RELCH: variants seen among roughly 807,000 people sequenced by gnomAD.
RELCH encodes the protein RAB11-binding protein RELCH.
A neutral mutation model predicts 150.3 loss-of-function variants in RELCH; 41 were observed. The observed-to-expected ratio is 0.27, with a 90% CI of 0.21 to 0.35. The LOEUF is 0.35. RELCH is among the 10% of genes least tolerant of loss of function. The pLI is 1.00. For synonymous variants in RELCH, 478 were observed against 531.8 expected, an observed-to-expected ratio of 0.90 and a Z score of 1.39; for missense variants, 1,092 against 1,467.8, an observed-to-expected ratio of 0.74 and a Z score of 4.18.
chr18:62,195,674 G>C (rs1455120702), intron 1 of RELCH, among the ~76,000 whole-genome samples: 3 of 151,740 alleles, frequency 2.0e-5, no homozygotes, highest in Admixed American at 2.0e-4. Context: ...CTATGAGCTT[G>C]CAGCCTTCCA....
Position 62,305,632 on chromosome 18 carries a change from T to A in RELCH, c.*98T>A. On this transcript the variant is annotated 3_prime_UTR_variant, in exon 29 of 29. Transcript: ENST00000644646. This position sits in a 1 kb window ranked among gnomAD's most constrained non-coding sequence, Gnocchi z 4.0. ...TGCCTTTTTTGTTTCCTCAGTTTTA[T>A]GTTCTTGCATTATAATTTTATCCTA... The A allele has an allele frequency of 8.0e-7, 1 of 1,254,726 alleles. No homozygotes were observed. The highest frequency in any genetic ancestry group is 1.1e-6 in the Non-Finnish European group (1 of 912,444). 77.7% of individuals were successfully genotyped at this position (1,254,726 alleles called of 1,614,324 possible).
At chr18:62,289,206 A>G (rs1423258514) in intron 26 of RELCH, among the ~76,000 whole-genome samples, 1 of 152,204 alleles carries the variant, frequency 6.6e-6, no homozygotes, top group Non-Finnish European at 1.5e-5. Context: ...GGTAAGGGGA[A>G]GAACCATCTT....
chr18:62,230,543 A>G (rs1316941629), intron 8 of RELCH, among the ~76,000 whole-genome samples: 1 of 152,106 alleles, frequency 6.6e-6, no homozygotes, highest in Non-Finnish European at 1.5e-5. Context: ...TCATAGTCAT[A>G]ATTTTATGAA....
Position 62,227,682 on chromosome 18 carries a change from C to T in RELCH, c.1147C>T (p.Leu383Phe), listed in dbSNP as rs1488548099. Reference protein sequence around the residue: ...KWSLMEQIRRLKSEMDFLKNE... With the variant: ...KWSLMEQIRRFKSEMDFLKNE... ...GTCATTGATGGAGCAAATCAGAAGA[C>T]TTAAAAGGTTAGTACTTGATCATTA... is the stretch of plus-strand genomic sequence containing the variant. Residue 383 changes from leucine (L) to phenylalanine (F), a missense_variant, in exon 7 of 29, where the codon CTT (leucine) becomes TTT (phenylalanine). This residue lies in a region of RELCH where 707 missense variants were observed against 1,025.4 expected (regional missense o/e 0.69). Coordinates refer to ENST00000644646, the MANE Select transcript of RELCH (RefSeq NM_001346231.2). 6.6e-7 allele frequency: 1 copy of T among 1,505,642 alleles called. No homozygotes were observed. 93.3% of individuals were successfully genotyped at this position (1,505,642 alleles called of 1,614,324 possible). A position where few individuals can be genotyped will look rare whatever the true frequency, so the allele number is the denominator to read the frequency against.
At chr18:62,288,418 AAC>A (rs1600248681) in intron 26 of RELCH, among the ~76,000 whole-genome samples, 1 of 152,140 alleles carries the variant, frequency 6.6e-6, no homozygotes, top group Non-Finnish European at 1.5e-5. Context: ...AAATATTACT[AAC>A]AGTCATTGAC....
At chr18:62,295,670 C>T (rs950966464) in intron 27 of RELCH, among the ~76,000 whole-genome samples, 6 of 152,002 alleles carry the variant, frequency 3.9e-5, no homozygotes, top group East Asian at 3.9e-4. Context: ...CCTCTGCCTC[C>T]CAGTGATCCC....
At chr18:62,264,590 T>G in intron 17 of RELCH, 139 bp from the exon 18 acceptor site, 1 of 646,498 alleles carries the variant, frequency 1.5e-6, no homozygotes, top group Non-Finnish European at 2.7e-6. Flanking sequence ...TACAACCTAT[T>G]CAGAGGGTCC....
chr18:62,228,195 C>G, intron 7 of RELCH, 110 bp from the exon 8 acceptor site: 1 of 858,572 alleles, frequency 1.2e-6, no homozygotes, highest in South Asian at 1.8e-5. Flanking sequence ...TCATTTGCTA[C>G]TAATACTTTT....
intron 26 of RELCH, among the ~76,000 whole-genome samples, chr18:62,288,819 A>T (rs1568439040): frequency 6.6e-6 from 1 of 152,180 alleles, no homozygotes. Flanking sequence ...CTGAATTAGC[A>T]AGTAAGAATT....
At chr18:62,243,618 T>C (rs1387648933) in intron 10 of RELCH, among the ~76,000 whole-genome samples, 1 of 152,128 alleles carries the variant, frequency 6.6e-6, no homozygotes, top group Non-Finnish European at 1.5e-5. Context: ...GAGAGACTTC[T>C]AGTCATACAT....
At position 62,308,698 on chromosome 18, in the gene RELCH, C is replaced by T. The variant is rs903722962; in HGVS notation, c.*3164C>T. On this transcript the variant is annotated 3_prime_UTR_variant, in exon 29 of 29. Coordinates refer to ENST00000644646, the MANE Select transcript of RELCH (RefSeq NM_001346231.2). ...CACCACTGCACTCCAGCCTGGTCCA[C>T]AGAGCAAGACTCCATCTCAAAAACA... 2.6e-5 allele frequency: 4 copies of T among 151,490 alleles called. No individual in the cohort carries two copies. The highest frequency in any genetic ancestry group is 9.7e-5 in the African/African-American group (4 of 41,194). 9.4% of individuals were successfully genotyped at this position (151,490 alleles called of 1,614,324 possible).
At chr18:62,255,578 G>C (rs779746311) in intron 13 of RELCH, 100 bp downstream of exon 13, 4 of 818,174 alleles carry the variant, frequency 4.9e-6, no homozygotes, top group Non-Finnish European at 7.8e-6. Flanking sequence ...TCTCCTAGAT[G>C]TGCTGTCTTA....
At position 62,203,676 on chromosome 18, in the gene RELCH, T is replaced by C. The variant is rs79643251; in HGVS notation, c.527-7477T>C. On this transcript the variant is annotated intron_variant, in intron 1 of 28. Transcript: ENST00000644646. ...ACTTTATCAGTAGCCTTAATAATAT[T>C]GCAATTTCTCACTATATAAGCTTCA... Among the ~76,000 whole-genome samples the C allele has an allele frequency of 5.0e-3, 761 of 152,244 alleles. 9 individuals are homozygous for C. Among genetic ancestry groups the C allele is most frequent in the African/African-American group, 0.018 (729 of 41,546 alleles).
At chr18:62,258,158 T>C in intron 14 of RELCH, 70 bp downstream of exon 14, 1 of 1,300,508 alleles carries the variant, frequency 7.7e-7, no homozygotes, top group Non-Finnish European at 1.1e-6. Flanking sequence ...TCCAAATCTC[T>C]GATTTAGATA....
chr18:62,266,820 T>C lies in RELCH; in HGVS notation c.2680+71T>C, dbSNP rs903753498. On this transcript the variant is annotated intron_variant, in intron 19 of 28. Transcript: ENST00000644646. ...TGCAGGAAAAATACTATATTCTCCA[T>C]ATATGTAAATTGTATAAATGAACTA... is the stretch of plus-strand genomic sequence containing the variant. 4 of 883,520 alleles carry C rather than the reference T, an allele frequency of 4.5e-6. No homozygotes were observed. The African/African-American group carries it at 5.2e-5, about 11-fold the overall frequency. The allele number at this position is 883,520 out of a possible 1,614,324, so 54.7% of individuals were successfully genotyped here.
Position 62,280,500 on chromosome 18 carries a change from T to C in RELCH, c.3051-146T>C, listed in dbSNP as rs532237789. The stretch of plus-strand genomic sequence containing the variant: ...CTGTCTGTCTTTTTGAGCATTCTTC[T>C]TGGTCTGCTTTTTTTAAATTTATTT... On this transcript the variant is annotated intron_variant, in intron 23 of 28. Coordinates refer to ENST00000644646, the MANE Select transcript of RELCH (RefSeq NM_001346231.2). 78 of 1,503,652 alleles carry C rather than the reference T, an allele frequency of 5.2e-5. 1 individual carries two copies. In the South Asian group the frequency reaches 5.8e-4, roughly 11 times the overall value. 93.1% of individuals were successfully genotyped at this position (1,503,652 alleles called of 1,614,324 possible). A position where few individuals can be genotyped will look rare whatever the true frequency, so the allele number is the denominator to read the frequency against.
At chr18:62,219,341 T>C (rs903756934) in intron 2 of RELCH, among the ~76,000 whole-genome samples, 11 of 135,482 alleles carry the variant, frequency 8.1e-5, no homozygotes, top group Non-Finnish European at 1.7e-4. Flanking sequence ...TTTTTTTTTT[T>C]CATATTTCTA....
intron 2 of RELCH, among the ~76,000 whole-genome samples, chr18:62,217,894 G>A (rs2040588482): frequency 6.6e-6 from 1 of 151,896 alleles, no homozygotes; most frequent in Non-Finnish European, 1.5e-5. Flanking sequence ...CCACCAAGTT[G>A]AATATAGAAA....
intron 2 of RELCH, among the ~76,000 whole-genome samples, chr18:62,219,703 T>C (rs1271960485): frequency 1.3e-5 from 2 of 152,044 alleles, no homozygotes; most frequent in African/African-American, 2.4e-5. Flanking sequence ...TAACATACGA[T>C]GTCATCTGAT....
Sources: allele counts gnomAD v4.1 joint callset (sites outside exome capture counted in the v4.1 genomes callset), GRCh38; gene constraint gnomAD v4.1.1; regional missense constraint gnomAD v4.1.1; non-coding constraint Gnocchi (gnomAD v3.1); transcripts MANE v1.5; gene names NCBI Gene and HGNC (gene_info 2026-07-23, HGNC 2026-07-21).